USP54: variants seen among roughly 807,000 people sequenced by gnomAD.
USP54 encodes the protein ubiquitin carboxyl-terminal hydrolase 54.
A neutral mutation model predicts 170.5 loss-of-function variants in USP54; 87 were observed. The ratio of observed to expected loss-of-function variants is 0.51; its 90% CI spans 0.43 to 0.61. The LOEUF (loss-of-function observed/expected upper bound fraction) is 0.61. Among genes scored for constraint, USP54 ranks in the 20% least tolerant of loss-of-function variants. USP54 has a pLI of 0.00. For synonymous variants in USP54, 655 were observed against 742.8 expected, an observed-to-expected ratio of 0.88 and a Z score of 1.92; for missense variants, 1,786 against 2,047.8, an observed-to-expected ratio of 0.87 and a Z score of 2.47.
At chr10:73,569,401 C>G (rs12265037) in intron 4 of USP54, among the ~76,000 whole-genome samples, 5,841 of 152,256 alleles carry the variant, frequency 0.038, 354 homozygotes, top group African/African-American at 0.13. Context: ...ATGTTATATT[C>G]AACTTGTAAA....
At chr10:73,514,723 G>A (rs1192773168) in intron 20 of USP54, among the ~76,000 whole-genome samples, 3 of 151,584 alleles carry the variant, frequency 2.0e-5, no homozygotes, top group South Asian at 2.1e-4. Context: ...ATTAGGATAC[G>A]GATCCTCAGA....
intron 1 of USP54, among the ~76,000 whole-genome samples, chr10:73,614,428 G>A (rs2080436142): frequency 6.7e-6 from 1 of 149,438 alleles, no homozygotes; most frequent in South Asian, 2.1e-4. Context: ...AGGCGTAGTG[G>A]TATGCACCTG....
intron 4 of USP54, among the ~76,000 whole-genome samples, chr10:73,554,656 C>T (rs988633153): frequency 6.6e-6 from 1 of 152,176 alleles, no homozygotes; most frequent in African/African-American, 2.4e-5. Context: ...AATCAACTCC[C>T]TTTATTTATC....
chr10:73,543,425 G>A (rs544638968), intron 5 of USP54, among the ~76,000 whole-genome samples: 44 of 152,032 alleles, frequency 2.9e-4, no homozygotes, highest in Non-Finnish European at 6.3e-4. Context: ...GGAGTGCAGT[G>A]GCTCAATCTT....
chr10:73,623,715 C>A (rs1014753646), intron 1 of USP54, among the ~76,000 whole-genome samples: 4 of 152,140 alleles, frequency 2.6e-5, no homozygotes, highest in Admixed American at 1.3e-4. Flanking sequence ...AGGGGCAGAA[C>A]CTTGTCTCAT....
chr10:73,558,912 G>A (rs893698927), intron 4 of USP54, among the ~76,000 whole-genome samples: 1 of 152,038 alleles, frequency 6.6e-6, no homozygotes, highest in African/African-American at 2.4e-5. Flanking sequence ...TTATGCATTT[G>A]TGACATAACT....
chr10:73,515,930 G>GCC (rs2060996191), intron 20 of USP54: 1 of 155,384 alleles, frequency 6.4e-6, no homozygotes, highest in Non-Finnish European at 1.4e-5. Flanking sequence ...CTACAGGCAA[G>GCC]TACCACCACG....
At chr10:73,590,119 C>T (rs1274834667) in intron 1 of USP54, among the ~76,000 whole-genome samples, 1 of 152,202 alleles carries the variant, frequency 6.6e-6, no homozygotes, top group Non-Finnish European at 1.5e-5. Context: ...CACAATTAAC[C>T]TGCCAAATAG....
At chr10:73,534,855 C>A in intron 11 of USP54, 85 bp from the exon 12 acceptor site, 1 of 1,329,372 alleles carries the variant, frequency 7.5e-7, no homozygotes, top group Non-Finnish European at 1.0e-6. Flanking sequence ...CACAACAAAG[C>A]TCCATAAGGC....
chr10:73,513,143 A>G (rs1477195385), intron 20 of USP54: 1 of 152,196 alleles, frequency 6.6e-6, no homozygotes, highest in Non-Finnish European at 1.5e-5. Flanking sequence ...ACACAGTACT[A>G]TGTTATTAAA....
intron 20 of USP54, among the ~76,000 whole-genome samples, chr10:73,513,055 C>T (rs1303806585): frequency 3.9e-5 from 6 of 151,962 alleles, no homozygotes; most frequent in African/African-American, 1.5e-4. Flanking sequence ...TTATAACATT[C>T]AACTAGTTAT....
intron 1 of USP54, among the ~76,000 whole-genome samples, chr10:73,603,438 T>C (rs551892166): frequency 2.0e-5 from 3 of 152,278 alleles, no homozygotes; most frequent in African/African-American, 7.2e-5. Flanking sequence ...CCTCCTGCCA[T>C]GTGCAGTGGC....
At chr10:73,533,266 A>G (rs2064426509) in intron 12 of USP54, among the ~76,000 whole-genome samples, 1 of 152,082 alleles carries the variant, frequency 6.6e-6, no homozygotes, top group South Asian at 2.1e-4. Flanking sequence ...AGATCGTGCC[A>G]CTGCACTCCA....
chr10:73,515,309 T>C, intron 20 of USP54, among the ~76,000 whole-genome samples: 1 of 152,220 alleles, frequency 6.6e-6, no homozygotes, highest in Non-Finnish European at 1.5e-5. Flanking sequence ...TCTCTCATTT[T>C]ACAGGTAAAA....
Position 73,543,395 on chromosome 10 carries a change from C to A in USP54, c.376-264G>T, listed in dbSNP as rs181483935. 9.9e-3 allele frequency among the ~76,000 whole-genome samples: 1,502 copies of A among 152,154 alleles called. 27 individuals are homozygous for A. The highest frequency in any genetic ancestry group is 0.033 in the African/African-American group (1,383 of 41,494). ...GTTTTTTTGTTTTTTGAGATGGAGT[C>A]TCGCTCTGTCACCCAGGCTGGAGTG... On this transcript the variant is annotated intron_variant, in intron 5 of 23. Coordinates refer to ENST00000687698, the MANE Select transcript of USP54 (RefSeq NM_001391956.1).
chr10:73,573,454 C>T (rs937024367), intron 3 of USP54, among the ~76,000 whole-genome samples: 7 of 151,790 alleles, frequency 4.6e-5, no homozygotes, highest in African/African-American at 1.5e-4. Flanking sequence ...TTATTGTTTT[C>T]GAATAAAAAC....
At chr10:73,521,083 T>C in intron 17 of USP54, 56 bp from the exon 18 acceptor site, 2 of 1,605,838 alleles carry the variant, frequency 1.2e-6, no homozygotes, top group Non-Finnish European at 1.7e-6. Context: ...TTTTCCTGTG[T>C]ACTGTTGTTT....
At chr10:73,608,590 A>T (rs1487469393) in intron 1 of USP54, among the ~76,000 whole-genome samples, 1 of 152,130 alleles carries the variant, frequency 6.6e-6, no homozygotes, top group Non-Finnish European at 1.5e-5. Flanking sequence ...AAGGGAAGTG[A>T]GGTTCAAAAA....
At chr10:73,606,715 A>G (rs1056038603) in intron 1 of USP54, among the ~76,000 whole-genome samples, 2 of 151,684 alleles carry the variant, frequency 1.3e-5, no homozygotes, top group Non-Finnish European at 2.9e-5. Context: ...TGTCTCTACT[A>G]AAAATACAAA....
Sources: gnomAD v4.1 joint callset for allele counts (sites outside exome capture counted in the v4.1 genomes callset) on GRCh38, gnomAD v4.1.1 for gene constraint, MANE v1.5 for transcripts, NCBI Gene and HGNC (gene_info 2026-07-23, HGNC 2026-07-21) for gene names.